ADAM2: variants seen among roughly 807,000 people sequenced by gnomAD.
ADAM2 encodes the protein ADAM metallopeptidase domain 2, also known as disintegrin and metalloproteinase domain-containing protein 2.
Under a neutral mutation model 99.3 loss-of-function variants are expected in ADAM2, and 101 were observed. That is an observed-to-expected ratio of 1.02 (90% CI 0.87 to 1.20). The LOEUF is 1.20. Among genes scored for constraint, ADAM2 ranks in the 50% most tolerant of loss-of-function variants. ADAM2 has a pLI of 0.00. For missense variants in ADAM2, 948 were observed against 878.7 expected (o/e 1.08, Z -1.00); for synonymous variants, 323 against 287.6 (o/e 1.12, Z -1.25).
rs146345239 is a variant in ADAM2, at chr8:39,786,753, C to A, written c.891+221G>T. ...AGACTAAACTAGTTCACTACCTTAA[C>A]TTTCTAGAAAGGATATCTTGAACTC... On this transcript the variant is annotated intron_variant, in intron 10 of 20. Transcript: ENST00000265708. 5.1e-3 allele frequency among the ~76,000 whole-genome samples: 775 copies of A among 152,130 alleles called. 4 individuals carry two copies. The highest frequency in any genetic ancestry group is 8.7e-3 in the Admixed American group (133 of 15,266).
intron 6 of ADAM2, among the ~76,000 whole-genome samples, chr8:39,819,211 T>A (rs1357757258): frequency 6.6e-6 from 1 of 152,072 alleles, no homozygotes; most frequent in Non-Finnish European, 1.5e-5. Flanking sequence ...ATTTTAAGTC[T>A]GGTAATAATA....
At chr8:39,760,776 A>G (rs1802329063) in intron 15 of ADAM2, among the ~76,000 whole-genome samples, 1 of 151,372 alleles carries the variant, frequency 6.6e-6, no homozygotes, top group South Asian at 2.1e-4. Flanking sequence ...AGCAGTAAAA[A>G]TTCGTGTATT....
intron 7 of ADAM2, among the ~76,000 whole-genome samples, chr8:39,798,961 TATTTTGTTA>T (rs1461843859): frequency 6.6e-6 from 1 of 151,356 alleles, no homozygotes; most frequent in Non-Finnish European, 1.5e-5. Flanking sequence ...GCAGTCTGTC[TATTTTGTTA>T]ATTTTCTTCA....
At chr8:39,811,073 C>A (rs2129587087) in intron 6 of ADAM2, among the ~76,000 whole-genome samples, 1 of 152,098 alleles carries the variant, frequency 6.6e-6, no homozygotes, top group South Asian at 2.1e-4. Flanking sequence ...AGAGAAGAAT[C>A]AAAAAGACAC....
At chr8:39,834,122 A>C (rs1805724579) in intron 2 of ADAM2, 123 bp from the exon 3 acceptor site, 1 of 553,146 alleles carries the variant, frequency 1.8e-6, no homozygotes, top group Non-Finnish European at 3.2e-6. Context: ...AGGAGAAAAA[A>C]TAGAATTTAA....
intron 6 of ADAM2, among the ~76,000 whole-genome samples, chr8:39,817,211 T>C (rs1203301071): frequency 6.6e-6 from 1 of 152,116 alleles, no homozygotes; most frequent in Non-Finnish European, 1.5e-5. Flanking sequence ...GACAAAGTGG[T>C]AGATTAAATC....
intron 3 of ADAM2, among the ~76,000 whole-genome samples, chr8:39,832,691 T>C (rs1024890485): frequency 2.6e-5 from 4 of 152,212 alleles, no homozygotes; most frequent in Non-Finnish European, 5.9e-5. Flanking sequence ...GATTCTCTGA[T>C]GAAGGCTTTG....
At position 39,838,177 on chromosome 8, in the gene ADAM2, G is replaced by A. The variant is rs549926110; in HGVS notation, c.9C>T (p.Arg3=). MW[R]VLFLLSGLGG... ...CGAGCCCGCTGAGCAGAAACAAGAC[G>A]CGCCACATGGCTTGAAGTCCTGGGT... Residue 3 remains arginine (R), a synonymous_variant, in exon 1 of 21, where the codon CGC becomes CGT. Coordinates refer to ENST00000265708, the MANE Select transcript of ADAM2 (RefSeq NM_001464.5). 5.6e-6 allele frequency: 9 copies of A among 1,614,124 alleles called. No homozygotes were observed. The highest frequency in any genetic ancestry group is 2.7e-5 in the African/African-American group (2 of 75,028).
chr8:39,802,038 G>T (rs149841892), intron 7 of ADAM2, among the ~76,000 whole-genome samples: 1 of 152,350 alleles, frequency 6.6e-6, no homozygotes, highest in East Asian at 1.9e-4. Flanking sequence ...CCTCCCTGGG[G>T]AGTTAGGTAG....
At chr8:39,813,766 G>A (rs532175923) in intron 6 of ADAM2, among the ~76,000 whole-genome samples, 1 of 151,908 alleles carries the variant, frequency 6.6e-6, no homozygotes, top group Non-Finnish European at 1.5e-5. Context: ...ACCAGGGCCT[G>A]TTGTGGGGTT....
chr8:39,766,495 A>G (rs1228944684), intron 14 of ADAM2, among the ~76,000 whole-genome samples: 30 of 146,776 alleles, frequency 2.0e-4, no homozygotes, highest in Non-Finnish European at 1.5e-5. Context: ...GCTGGAGTGC[A>G]GTGGCGTGAT....
intron 6 of ADAM2, among the ~76,000 whole-genome samples, chr8:39,820,739 A>G (rs988804310): frequency 6.6e-6 from 1 of 152,144 alleles, no homozygotes; most frequent in East Asian, 1.9e-4. Flanking sequence ...AAAGGAGTAC[A>G]TCTGCTGACA....
chr8:39,751,454 G>A (rs550907850), intron 16 of ADAM2, among the ~76,000 whole-genome samples: 132 of 152,232 alleles, frequency 8.7e-4, no homozygotes, highest in Non-Finnish European at 2.2e-4. Flanking sequence ...CTGCAATGAA[G>A]TGTTTTTGTG....
At position 39,770,482 on chromosome 8, in the gene ADAM2, A is replaced by G. The variant is rs1239356482; in HGVS notation, c.1029-907T>C. ...ATTCTTCTCCCCAAAAACACCCCTC[A>G]CAAAGTATAACACAGTGTTTCAGAA... On this transcript the variant is annotated intron_variant, in intron 11 of 20. Coordinates refer to ENST00000265708, the MANE Select transcript of ADAM2 (RefSeq NM_001464.5). Among the ~76,000 whole-genome samples the G allele has an allele frequency of 2.0e-5, 3 of 152,166 alleles. No individual in the cohort carries two copies. The East Asian group carries it at 5.8e-4, about 29-fold the overall frequency.
At chr8:39,757,106 C>T (rs1802177339) in intron 15 of ADAM2, among the ~76,000 whole-genome samples, 1 of 152,148 alleles carries the variant, frequency 6.6e-6, no homozygotes, top group Admixed American at 6.5e-5. Flanking sequence ...CAGCAAAGGT[C>T]TATTTCCTGA....
intron 16 of ADAM2, among the ~76,000 whole-genome samples, chr8:39,754,957 T>A (rs946113425): frequency 6.6e-6 from 1 of 152,196 alleles, no homozygotes; most frequent in African/African-American, 2.4e-5. Context: ...TGTGTGCATG[T>A]CTATGAAAAA....
intron 15 of ADAM2, among the ~76,000 whole-genome samples, chr8:39,760,882 C>CAAAAAAAAAAAAAAAAAAAAAA (rs58386097): frequency 1.7e-5 from 1 of 60,184 alleles, no homozygotes; most frequent in African/African-American, 6.7e-5. Flanking sequence ...GACTCCATCT[C>CAAAAAAAAAAAAAAAAAAAAAA]AAAAAAAAAA....
chr8:39,769,530 G>A lies in ADAM2; in HGVS notation c.1074C>T (p.Asp358=), dbSNP rs151075556. The change falls in exon 12 of 21, where the codon GAC becomes GAT. Residue 358 remains aspartate (D), a synonymous_variant. Coordinates refer to ENST00000265708, the MANE Select transcript of ADAM2 (RefSeq NM_001464.5). ...VKIFSNCSFE[D]FAHFISKQKS... Reference sequence around the variant, plus strand: ...TCTGCTTTGAAATAAAATGTGCAAAGTCTTCGAAGCTGCAGTTACTAAAGA... The same window carrying A: ...TCTGCTTTGAAATAAAATGTGCAAAATCTTCGAAGCTGCAGTTACTAAAGA... 92 of 1,613,706 alleles carry A rather than the reference G, an allele frequency of 5.7e-5. No homozygotes were observed. Among genetic ancestry groups the A allele is most frequent in the Middle Eastern group, 3.3e-4 (2 of 6,084 alleles).
chr8:39,794,954 AT>A (rs946086006), intron 7 of ADAM2, among the ~76,000 whole-genome samples: 3 of 152,020 alleles, frequency 2.0e-5, no homozygotes, highest in African/African-American at 7.2e-5. Flanking sequence ...TAATATAATA[AT>A]TTCATGTTAT....
Sources: allele counts gnomAD v4.1 joint callset (sites outside exome capture counted in the v4.1 genomes callset), GRCh38; gene constraint gnomAD v4.1.1; transcripts MANE v1.5; gene names NCBI Gene and HGNC (gene_info 2026-07-23, HGNC 2026-07-21).